Variants in PDSS2 observed in about 807,000 individuals in gnomAD.
PDSS2 encodes the protein decaprenyl diphosphate synthase subunit 2, also known as all trans-polyprenyl-diphosphate synthase PDSS2.
PDSS2 carries 31 observed loss-of-function variants against 44.5 expected under a neutral mutation model. The observed-to-expected ratio is 0.70, with a 90% confidence interval of 0.52 to 0.94. PDSS2 has a LOEUF of 0.94. Ranked by LOEUF, PDSS2 falls within the 40% of genes least tolerant of loss-of-function variation. The pLI, the probability that PDSS2 is intolerant of heterozygous loss-of-function variation, is 0.00. For synonymous variants in PDSS2, 157 were observed against 180.3 expected, an observed-to-expected ratio of 0.87 and a Z score of 1.03; for missense variants, 452 against 482.2, an observed-to-expected ratio of 0.94 and a Z score of 0.59.
intron 1 of PDSS2, among the ~76,000 whole-genome samples, chr6:107,384,146 C>T (rs1204844931): frequency 1.3e-5 from 2 of 152,038 alleles, no homozygotes; most frequent in East Asian, 1.9e-4. Context: ...GTGAAAGAAG[C>T]CAGGCAGAAA....
At chr6:107,176,977 T>C (rs1396189902) in intron 7 of PDSS2, among the ~76,000 whole-genome samples, 3 of 151,750 alleles carry the variant, frequency 2.0e-5, no homozygotes, top group Non-Finnish European at 4.4e-5. Flanking sequence ...AGTGAGACCC[T>C]GTCTCAAAAA....
chr6:107,210,282 T>A, intron 6 of PDSS2, 157 bp downstream of exon 6: 1 of 649,154 alleles, frequency 1.5e-6, no homozygotes, highest in Admixed American at 2.5e-5. Context: ...ACTAATCTTT[T>A]ACCTCTTAAA....
At chr6:107,218,099 C>G (rs914145263) in intron 4 of PDSS2, among the ~76,000 whole-genome samples, 8 of 152,208 alleles carry the variant, frequency 5.3e-5, no homozygotes, top group African/African-American at 1.7e-4. Flanking sequence ...CTCCAACCTT[C>G]TCTCTGTTCT....
Position 107,212,150 on chromosome 6 carries a change from T to C in PDSS2, c.835A>G (p.Met279Val). The change falls in exon 5 of 8, where the codon ATG (methionine) becomes GTG (valine). Residue 279 changes from methionine to valine, a missense_variant. By Grantham distance (21) the Met-to-Val change is conservative (BLOSUM62 1). Coordinates refer to ENST00000369037, the MANE Select transcript of PDSS2 (RefSeq NM_020381.4). ...ATGTGCTTCCCATACTGAAATGCCA[T>C]ATTCTGAACCTCAGCATCATGCTTT... ...LAKHDAEVQNMAFQYGKHMAM... is the reference protein window; with the variant it reads ...LAKHDAEVQNVAFQYGKHMAM... 6.2e-7 allele frequency: 1 copy of C among 1,614,154 alleles called. No individual in the cohort carries two copies. Among genetic ancestry groups the C allele is most frequent in the African/African-American group, 1.3e-5 (1 of 75,066 alleles).
intron 1 of PDSS2, among the ~76,000 whole-genome samples, chr6:107,453,619 T>C (rs559502736): frequency 6.6e-6 from 1 of 152,338 alleles, no homozygotes; most frequent in East Asian, 1.9e-4. Context: ...TGCAGCTATA[T>C]AGTAAGATTT....
chr6:107,183,632 G>T (rs1772061909), intron 7 of PDSS2, among the ~76,000 whole-genome samples: 2 of 152,152 alleles, frequency 1.3e-5, no homozygotes, highest in African/African-American at 4.8e-5. Context: ...GGGTGCAGTG[G>T]CTCACGCCTG....
chr6:107,154,462 G>A lies in PDSS2; in HGVS notation c.*157C>T, dbSNP rs1770812033. 1 of 706,792 alleles carries A rather than the reference G, an allele frequency of 1.4e-6. No individual in the cohort carries two copies. The highest frequency in any genetic ancestry group is 1.8e-5 in the African/African-American group (1 of 56,340). 43.8% of individuals were successfully genotyped at this position (706,792 alleles called of 1,614,324 possible). On this transcript the variant is annotated 3_prime_UTR_variant, in exon 8 of 8. Coordinates refer to ENST00000369037, the MANE Select transcript of PDSS2 (RefSeq NM_020381.4). ...TTTTCTTCTAATTTTGTTTGTAGCAGTTCCAAAAAGAAAGCAGAACTCATT... is the reference window on the plus strand; with the variant it reads ...TTTTCTTCTAATTTTGTTTGTAGCAATTCCAAAAAGAAAGCAGAACTCATT...
chr6:107,240,078 A>T lies in PDSS2; in HGVS notation c.702+5470T>A, dbSNP rs138280633. ...AGTAAGTAACATGAGCGTAATATAT[A>T]AAACAGCTTAACTGGGGAACTCTTG... On this transcript the variant is annotated intron_variant, in intron 4 of 7. Transcript: ENST00000369037. Among the ~76,000 whole-genome samples, 415 of 152,278 alleles carry T rather than the reference A, an allele frequency of 2.7e-3. 2 individuals carry two copies. Among genetic ancestry groups the T allele is most frequent in the African/African-American group, 9.0e-3 (373 of 41,558 alleles).
At chr6:107,328,826 A>G (rs1777628644) in intron 2 of PDSS2, among the ~76,000 whole-genome samples, 1 of 152,208 alleles carries the variant, frequency 6.6e-6, no homozygotes, top group Admixed American at 6.5e-5. Flanking sequence ...GCATGCCCAC[A>G]CTTATTTGAT....
chr6:107,420,995 A>G (rs1343287559), intron 1 of PDSS2, among the ~76,000 whole-genome samples: 2 of 152,216 alleles, frequency 1.3e-5, no homozygotes, highest in Non-Finnish European at 2.9e-5. Flanking sequence ...TAAACTCCGC[A>G]GTAAGGAAAC....
At chr6:107,365,617 C>G (rs9373944) in intron 1 of PDSS2, among the ~76,000 whole-genome samples, 18,437 of 152,120 alleles carry the variant, frequency 0.12, 1,442 homozygotes, top group East Asian at 0.24. Context: ...TAACTACATG[C>G]TTTCTCCAAA....
At chr6:107,435,281 AACACACAC>A (rs57353175) in intron 1 of PDSS2, among the ~76,000 whole-genome samples, 10,263 of 133,606 alleles carry the variant, frequency 0.077, 464 homozygotes, top group East Asian at 0.15. Flanking sequence ...ACTGCCTCAA[AACACACAC>A]ACACACACAC....
chr6:107,213,310 T>A (rs1773292399), intron 4 of PDSS2, among the ~76,000 whole-genome samples: 1 of 90,814 alleles, frequency 1.1e-5, no homozygotes, highest in Non-Finnish European at 2.0e-5. Context: ...CACACCCAGA[T>A]AATTTTTTTT....
intron 1 of PDSS2, among the ~76,000 whole-genome samples, chr6:107,413,348 C>G (rs927761245): frequency 1.3e-5 from 2 of 152,170 alleles, no homozygotes; most frequent in Non-Finnish European, 2.9e-5. Context: ...TCAGTACCAG[C>G]CTGAGCAACA....
chr6:107,315,944 A>C (rs1273790792), intron 2 of PDSS2, among the ~76,000 whole-genome samples: 1 of 152,212 alleles, frequency 6.6e-6, no homozygotes, highest in Non-Finnish European at 1.5e-5. Flanking sequence ...AATCCTTTAA[A>C]AATGCTCTTC....
At chr6:107,207,750 C>A (rs1175363799) in intron 6 of PDSS2, among the ~76,000 whole-genome samples, 1 of 150,562 alleles carries the variant, frequency 6.6e-6, no homozygotes, top group Non-Finnish European at 1.5e-5. Context: ...GCTGGGATTA[C>A]AGGCCCGGGC....
intron 1 of PDSS2, among the ~76,000 whole-genome samples, chr6:107,411,879 C>CTTTTTTTTTTTT (rs145161415): frequency 1.1e-5 from 1 of 93,880 alleles, no homozygotes; most frequent in African/African-American, 4.1e-5. Context: ...TCTTCTTCTT[C>CTTTTTTTTTTTT]TTTTTTTTTT....
At chr6:107,397,180 ATTTTT>A (rs10534330) in intron 1 of PDSS2, among the ~76,000 whole-genome samples, 7 of 147,724 alleles carry the variant, frequency 4.7e-5, no homozygotes, top group Non-Finnish European at 1.0e-4. Context: ...GGGTCCTGAG[ATTTTT>A]TTTTTTTTTT....
intron 1 of PDSS2, among the ~76,000 whole-genome samples, chr6:107,456,436 C>T (rs1045114540): frequency 2.0e-5 from 3 of 152,076 alleles, no homozygotes; most frequent in African/African-American, 7.2e-5. Flanking sequence ...ATCTCAGAAA[C>T]CATGAATTTT....
Sources: allele counts gnomAD v4.1 joint callset (sites outside exome capture counted in the v4.1 genomes callset), GRCh38; gene constraint gnomAD v4.1.1; transcripts MANE v1.5; gene names NCBI Gene and HGNC (gene_info 2026-07-23, HGNC 2026-07-21).